SLC24A2: variants seen among roughly 807,000 people sequenced by gnomAD.
SLC24A2 encodes the protein solute carrier family 24 member 2, also known as sodium/potassium/calcium exchanger 2.
SLC24A2 carries 36 observed loss-of-function variants against 62.0 expected under a neutral mutation model. That is an observed-to-expected ratio of 0.58 (90% CI 0.44 to 0.77). The LOEUF (loss-of-function observed/expected upper bound fraction) is 0.77, where lower values mean the gene tolerates loss of function less well. Among genes scored for constraint, SLC24A2 ranks in the 30% least tolerant of loss-of-function variants. SLC24A2 has a pLI of 0.00. For synonymous variants in SLC24A2, 358 were observed against 294.0 expected (o/e 1.22, Z -2.23); for missense variants, 846 against 817.9 (o/e 1.03, Z -0.42).
At chr9:19,565,695 G>A (rs376674344) in intron 7 of SLC24A2, among the ~76,000 whole-genome samples, 1 of 152,032 alleles carries the variant, frequency 6.6e-6, no homozygotes, top group South Asian at 2.1e-4. Flanking sequence ...GGAGGCATCA[G>A]GCTACCTGAC....
the SLC24A2 span, among the ~76,000 whole-genome samples, chr9:19,873,616 C>G: frequency 6.9e-6 from 1 of 145,730 alleles, no homozygotes; most frequent in South Asian, 2.2e-4. Flanking sequence ...TTTCCTTTTT[C>G]TTTCCTTCTT....
the SLC24A2 span, among the ~76,000 whole-genome samples, chr9:20,235,594 G>T: frequency 1.3e-5 from 2 of 152,194 alleles, no homozygotes; most frequent in Admixed American, 1.3e-4. Flanking sequence ...GCAGTATTGG[G>T]GTGGGAGTGA....
At chr9:19,760,285 T>C (rs1173298587) in intron 2 of SLC24A2, among the ~76,000 whole-genome samples, 1 of 152,178 alleles carries the variant, frequency 6.6e-6, no homozygotes, top group East Asian at 1.9e-4. Flanking sequence ...AACGCACCAG[T>C]AATTCTCCCT....
At chr9:19,733,087 T>C (rs1821387291) in intron 2 of SLC24A2, among the ~76,000 whole-genome samples, 1 of 152,132 alleles carries the variant, frequency 6.6e-6, no homozygotes, top group African/African-American at 2.4e-5. Flanking sequence ...TGACTCTTTT[T>C]TTTTTTTTTA....
chr9:20,239,932 G>T, the SLC24A2 span, among the ~76,000 whole-genome samples: 2 of 151,772 alleles, frequency 1.3e-5, no homozygotes, highest in African/African-American at 4.8e-5. Flanking sequence ...CTGGAAGAGG[G>T]TGTTAGGTAT....
intron 2 of SLC24A2, among the ~76,000 whole-genome samples, chr9:19,752,230 G>T (rs1280514685): frequency 6.6e-6 from 1 of 152,036 alleles, no homozygotes; most frequent in Non-Finnish European, 1.5e-5. Context: ...GTAGAACAGG[G>T]ATTTTTCTTG....
chr9:20,106,943 G>C, the SLC24A2 span, among the ~76,000 whole-genome samples: 3 of 152,124 alleles, frequency 2.0e-5, no homozygotes. Flanking sequence ...TGTGTATCTA[G>C]AAAACCCCAT....
intron 2 of SLC24A2, among the ~76,000 whole-genome samples, chr9:19,755,398 C>A (rs1408415489): frequency 2.0e-5 from 3 of 152,268 alleles, no homozygotes; most frequent in African/African-American, 7.2e-5. Context: ...AAAAGTAGAA[C>A]ACCCCAAATT....
At chr9:20,097,622 C>CAA in the SLC24A2 span, among the ~76,000 whole-genome samples, 2 of 149,028 alleles carry the variant, frequency 1.3e-5, no homozygotes, top group Non-Finnish European at 3.0e-5. Flanking sequence ...GACTGGGTAT[C>CAA]TGATTCTCCC....
intron 8 of SLC24A2, among the ~76,000 whole-genome samples, chr9:19,544,976 T>C (rs139200892): frequency 6.6e-6 from 1 of 152,216 alleles, no homozygotes; most frequent in African/African-American, 2.4e-5. Context: ...TTGGCCTGTC[T>C]TGCTAGGTTG....
At chr9:20,236,965 G>C in the SLC24A2 span, among the ~76,000 whole-genome samples, 1 of 151,978 alleles carries the variant, frequency 6.6e-6, no homozygotes, top group African/African-American at 2.4e-5. Context: ...AATGAAGGAT[G>C]GAGGGGGTGG....
intron 8 of SLC24A2, among the ~76,000 whole-genome samples, chr9:19,538,684 G>A (rs1382439052): frequency 7.6e-6 from 1 of 131,552 alleles, no homozygotes; most frequent in African/African-American, 3.0e-5. Flanking sequence ...TTGTGTCTCT[G>A]CCCAGCTTTG....
chr9:19,772,233 C>G (rs191192737), intron 2 of SLC24A2, among the ~76,000 whole-genome samples: 171 of 152,308 alleles, frequency 1.1e-3, no homozygotes, highest in African/African-American at 3.9e-3. Context: ...GGGCCCCAAA[C>G]AACCCCTGAA....
the SLC24A2 span, among the ~76,000 whole-genome samples, chr9:19,915,674 C>A: frequency 6.6e-6 from 1 of 152,024 alleles, no homozygotes; most frequent in Non-Finnish European, 1.5e-5. Flanking sequence ...TTCTTATTTG[C>A]CTTTTTCTAA....
chr9:19,691,493 C>T (rs1018522163), intron 2 of SLC24A2, among the ~76,000 whole-genome samples: 1 of 152,146 alleles, frequency 6.6e-6, no homozygotes, highest in Non-Finnish European at 1.5e-5. Flanking sequence ...TGCCCTCAGT[C>T]ATCCATGCAC....
chr9:19,898,667 A>G, the SLC24A2 span, among the ~76,000 whole-genome samples: 11 of 147,158 alleles, frequency 7.5e-5, no homozygotes, highest in African/African-American at 2.5e-4. Flanking sequence ...GCGTGAACCC[A>G]GGAGGTGGAG....
intron 2 of SLC24A2, among the ~76,000 whole-genome samples, chr9:19,767,495 G>A (rs562937380): frequency 6.6e-6 from 1 of 152,296 alleles, no homozygotes; most frequent in East Asian, 1.9e-4. Context: ...GGTCGTATCT[G>A]GGCCAGATAG....
the SLC24A2 span, among the ~76,000 whole-genome samples, chr9:20,078,789 C>G: frequency 6.6e-6 from 1 of 152,152 alleles, no homozygotes; most frequent in Non-Finnish European, 1.5e-5. Context: ...TATCCCAATC[C>G]TCATCAAAAA....
intron 2 of SLC24A2, among the ~76,000 whole-genome samples, chr9:19,744,364 G>A (rs2118780585): frequency 6.6e-6 from 1 of 152,150 alleles, no homozygotes; most frequent in Admixed American, 6.5e-5. Context: ...TCTGGTCCTT[G>A]CTCATGTTAT....
Sources: gnomAD v4.1 joint callset for allele counts (sites outside exome capture counted in the v4.1 genomes callset) on GRCh38, gnomAD v4.1.1 for gene constraint, MANE v1.5 for transcripts, NCBI Gene and HGNC (gene_info 2026-07-23, HGNC 2026-07-21) for gene names.